Variants in DYNLT2 observed in about 807,000 individuals in gnomAD.
DYNLT2 encodes dynein light chain Tctex-type 2, also known as dynein light chain Tctex-type protein 2.
Under a neutral mutation model 24.3 loss-of-function variants are expected in DYNLT2, and 24 were observed. The observed-to-expected ratio is 0.99, with a 90% CI of 0.71 to 1.39. The LOEUF (loss-of-function observed/expected upper bound fraction) is 1.39. Ranked by LOEUF, DYNLT2 falls within the 40% of genes most tolerant of loss-of-function variation. The pLI is 0.00. For synonymous variants in DYNLT2, 85 were observed against 85.4 expected (o/e 1.00, Z 0.03); for missense variants, 246 against 234.5 (o/e 1.05, Z -0.32).
At chr6:169,742,029 C>T (rs2128335500) in intron 3 of DYNLT2, among the ~76,000 whole-genome samples, 1 of 152,290 alleles carries the variant, frequency 6.6e-6, no homozygotes, top group Non-Finnish European at 1.5e-5. Flanking sequence ...GGAACCTCTA[C>T]AGATTCTTCC....
At chr6:169,749,385 C>CACT (rs1474094919) in intron 1 of DYNLT2, 1 of 152,226 alleles carries the variant, frequency 6.6e-6, no homozygotes, top group East Asian at 1.9e-4. Flanking sequence ...ATGCATGGGC[C>CACT]ACTGCACCCG....
At chr6:169,725,631 C>G in the DYNLT2 span, 1 of 251,602 alleles carries the variant, frequency 4.0e-6, no homozygotes, top group Non-Finnish European at 7.2e-6. Flanking sequence ...TAGAGTTTAG[C>G]GGTTTTTTTT....
chr6:169,736,222 A>G (rs1487241141), downstream of DYNLT2, among the ~76,000 whole-genome samples: 1 of 151,198 alleles, frequency 6.6e-6, no homozygotes, highest in Non-Finnish European at 1.5e-5. Context: ...TGCATGTAAG[A>G]TGGGTCTCCT....
At chr6:169,733,228 T>C in the DYNLT2 span, among the ~76,000 whole-genome samples, 2 of 151,932 alleles carry the variant, frequency 1.3e-5, no homozygotes, top group South Asian at 4.1e-4. Context: ...TCTCCCATTC[T>C]GTAGGTTGCC....
chr6:169,744,251 T>C lies in DYNLT2; in HGVS notation c.144A>G (p.Arg48=), dbSNP rs1789744499. ...GAACATTGTGAATTGACTCTCTCAG[T>C]CTTTCTCTTAAAATCTGTGTATACT... ...KEAYTQILRE[R]LRESIHNVQY... Residue 48 remains arginine, a synonymous_variant, in exon 2 of 4, where the codon AGA becomes AGG. Transcript: ENST00000366774. 3 of 1,613,464 alleles carry C rather than the reference T, an allele frequency of 1.9e-6. No individual in the cohort carries two copies. Among genetic ancestry groups the C allele is most frequent in the Non-Finnish European group, 2.5e-6 (3 of 1,179,906 alleles).
the DYNLT2 span, chr6:169,725,469 C>G: frequency 5.0e-6 from 2 of 397,224 alleles, no homozygotes; most frequent in East Asian, 7.1e-5. Flanking sequence ...TCAAGCCGAT[C>G]CTAATCCAGC....
the DYNLT2 span, among the ~76,000 whole-genome samples, chr6:169,734,681 G>T: frequency 4.3e-4 from 66 of 152,274 alleles, no homozygotes; most frequent in South Asian, 4.1e-3. Context: ...TGCTGGATTC[G>T]GTTGGCCAGT....
At chr6:169,751,277 A>G in intron 1 of DYNLT2, 62 bp downstream of exon 1, 1 of 1,558,182 alleles carries the variant, frequency 6.4e-7, no homozygotes. Context: ...CCCACTGGGG[A>G]GCGATTTCAC....
chr6:169,746,176 G>T (rs1293479849), intron 1 of DYNLT2, among the ~76,000 whole-genome samples: 3 of 152,052 alleles, frequency 2.0e-5, no homozygotes, highest in African/African-American at 4.8e-5. Context: ...CTGCATAGAG[G>T]CTTATAGATT....
chr6:169,746,210 G>T (rs1159416578), intron 1 of DYNLT2, among the ~76,000 whole-genome samples: 2 of 152,062 alleles, frequency 1.3e-5, no homozygotes, highest in Non-Finnish European at 2.9e-5. Flanking sequence ...CAAAGAAAAA[G>T]CTTTTGGTTT....
chr6:169,725,291 G>A, the DYNLT2 span: 129 of 398,666 alleles, frequency 3.2e-4, no homozygotes, highest in African/African-American at 2.4e-3. Flanking sequence ...GTACAATCCG[G>A]TTTCCTTTCC....
chr6:169,746,056 C>G (rs879311862), intron 1 of DYNLT2, among the ~76,000 whole-genome samples: 3 of 152,164 alleles, frequency 2.0e-5, no homozygotes, highest in Non-Finnish European at 2.9e-5. Context: ...TTTCTGGGCA[C>G]AGAATTGTTC....
At chr6:169,732,853 T>C in the DYNLT2 span, among the ~76,000 whole-genome samples, 1 of 152,220 alleles carries the variant, frequency 6.6e-6, no homozygotes, top group Non-Finnish European at 1.5e-5. Context: ...CCTTGAGGAA[T>C]TGCCATACTG....
intron 3 of DYNLT2, among the ~76,000 whole-genome samples, chr6:169,742,561 G>C (rs761673099): frequency 2.0e-5 from 3 of 152,166 alleles, no homozygotes; most frequent in Admixed American, 6.5e-5. Context: ...CAGAATAGCA[G>C]TGCAATTTAA....
the DYNLT2 span, among the ~76,000 whole-genome samples, chr6:169,726,484 T>C: frequency 6.6e-6 from 1 of 152,186 alleles, no homozygotes; most frequent in Non-Finnish European, 1.5e-5. Context: ...AATAGACATA[T>C]TCAGGTACAT....
intron 3 of DYNLT2, among the ~76,000 whole-genome samples, chr6:169,741,017 C>G (rs1298580755): frequency 2.6e-5 from 4 of 152,004 alleles, no homozygotes; most frequent in African/African-American, 9.7e-5. Flanking sequence ...CCATGTTGAC[C>G]AAGCTGCTTG....
chr6:169,744,221 A>G lies in DYNLT2; in HGVS notation c.174T>C (p.Tyr58=). 1.9e-6 allele frequency: 3 copies of G among 1,613,794 alleles called. No homozygotes were observed. The highest frequency in any genetic ancestry group is 1.3e-5 in the African/African-American group (1 of 75,054). The change falls in exon 2 of 4, where the codon TAT becomes TAC. Residue 58 remains tyrosine, a synonymous_variant. Transcript: ENST00000366774. Reference sequence around the variant, plus strand: ...TTGAGTCATCAAAAGGAGGCTCCACATACTGAACATTGTGAATTGACTCTC... The same window carrying G: ...TTGAGTCATCAAAAGGAGGCTCCACGTACTGAACATTGTGAATTGACTCTC... The part of the protein sequence containing the change: ...RLRESIHNVQ[Y]VEPPFDDSIA...
intron 1 of DYNLT2, among the ~76,000 whole-genome samples, chr6:169,745,109 T>C (rs899230416): frequency 6.6e-6 from 1 of 152,062 alleles, no homozygotes; most frequent in Non-Finnish European, 1.5e-5. Context: ...TTGTTTTTTT[T>C]TTTGAGACAG....
At chr6:169,742,325 G>C (rs532111694) in intron 3 of DYNLT2, among the ~76,000 whole-genome samples, 1 of 152,144 alleles carries the variant, frequency 6.6e-6, no homozygotes, top group Non-Finnish European at 1.5e-5. Context: ...GAGGCAATCT[G>C]ACTCCAAAAC....
Sources: gnomAD v4.1 joint callset for allele counts (sites outside exome capture counted in the v4.1 genomes callset) on GRCh38, gnomAD v4.1.1 for gene constraint, MANE v1.5 for transcripts, NCBI Gene and HGNC (gene_info 2026-07-23, HGNC 2026-07-21) for gene names.